CASP1: variants seen among roughly 807,000 people sequenced by gnomAD.
The protein encoded by CASP1 is caspase-1.
A neutral mutation model predicts 41.2 loss-of-function variants in CASP1; 31 were observed. The observed-to-expected ratio is 0.75, with a 90% CI of 0.57 to 1.02. The LOEUF (loss-of-function observed/expected upper bound fraction) is 1.02. Among genes scored for constraint, CASP1 ranks in the 50% least tolerant of loss-of-function variants. The pLI, the probability that CASP1 is intolerant of heterozygous loss-of-function variation, is 0.00. For synonymous variants in CASP1, 163 were observed against 166.5 expected, an observed-to-expected ratio of 0.98 and a Z score of 0.16; for missense variants, 490 against 495.7, an observed-to-expected ratio of 0.99 and a Z score of 0.11.
At chr11:105,029,383 A>C in intron 6 of CASP1, 116 bp from the exon 7 acceptor site, 1 of 798,744 alleles carries the variant, frequency 1.3e-6, no homozygotes, top group Non-Finnish European at 2.0e-6. Context: ...ATTCACATGC[A>C]AATAGACACA....
Position 105,034,015 on chromosome 11 carries a change from G to C in CASP1, c.274+193C>G, listed in dbSNP as rs187866796. 429 of 932,902 alleles carry C rather than the reference G, an allele frequency of 4.6e-4. 1 individual carries two copies. In the African/African-American group the frequency reaches 5.5e-3, roughly 12 times the overall value. 57.8% of individuals were successfully genotyped at this position (932,902 alleles called of 1,614,324 possible). The stretch of plus-strand genomic sequence containing the variant: ...CAGGAAATGAGCTTTAATCAGAAGA[G>C]TGCCACTGAGGATTAAGGAAAAGAA... On this transcript the variant is annotated intron_variant, in intron 2 of 8. Transcript: ENST00000533400.
chr11:105,031,041 G>A, intron 4 of CASP1, 124 bp downstream of exon 4: 1 of 648,848 alleles, frequency 1.5e-6, no homozygotes, highest in Non-Finnish European at 2.9e-6. Flanking sequence ...TATGTAAGGG[G>A]AGCAGAAGTA....
intron 2 of CASP1, among the ~76,000 whole-genome samples, chr11:105,033,341 A>C (rs553323154): frequency 6.6e-6 from 1 of 152,334 alleles, no homozygotes; most frequent in South Asian, 2.1e-4. Flanking sequence ...TTACACATAG[A>C]TGAAAACAGA....
chr11:105,029,235 C>T lies in CASP1; in HGVS notation c.895G>A (p.Val299Ile). The part of the protein sequence containing the change: ...SPGVVWFKDS[V>I]GVSGNLSLPT... The stretch of plus-strand genomic sequence containing the variant: ...AAAGATAGGTTTCCAGAAACTCCTA[C>T]TGAATCTTTAAACCACACCACACCA... Residue 299 changes from valine (V) to isoleucine (I), a missense_variant, in exon 7 of 9, where the codon GTA becomes ATA. Transcript: ENST00000533400. 5 of 1,613,112 alleles carry T rather than the reference C, an allele frequency of 3.1e-6. No individual in the cohort carries two copies. Among genetic ancestry groups the T allele is most frequent in the Non-Finnish European group, 4.2e-6 (5 of 1,179,458 alleles).
intron 4 of CASP1, chr11:105,030,708 A>G (rs764603254): frequency 4.1e-6 from 2 of 491,656 alleles, no homozygotes; most frequent in Non-Finnish European, 7.1e-6. Flanking sequence ...TGAGCTTCTG[A>G]CTTCGTTGTT....
rs1267602765 is a variant in CASP1, at chr11:105,031,420, C to T, written c.338-140G>A. The stretch of plus-strand genomic sequence containing the variant: ...ACAATCCTGATCTACATCATTAACA[C>T]AGCTGAGTGAGTTTGCTCCTAATGG... On this transcript the variant is annotated intron_variant, in intron 3 of 8. Coordinates refer to ENST00000533400, the MANE Select transcript of CASP1 (RefSeq NM_001257118.3). The T allele has an allele frequency of 7.7e-6, 4 of 518,574 alleles. No individual in the cohort carries two copies. In the East Asian group the frequency reaches 1.2e-4, roughly 16 times the overall value. 32.1% of individuals were successfully genotyped at this position (518,574 alleles called of 1,614,324 possible).
chr11:105,033,041 TCTTC>T lies in CASP1; in HGVS notation c.337+19_337+22del, dbSNP rs766367022. The T allele has an allele frequency of 2.1e-6, 3 of 1,461,916 alleles. No homozygotes were observed. In the African/African-American group the frequency reaches 4.2e-5, roughly 20 times the overall value. The allele number at this position is 1,461,916 out of a possible 1,614,324, so 90.6% of individuals were successfully genotyped here. ...AAGGAAGATGTGGGTCAAAGAATGC[TCTTC>T]CTTTAAAAACAGCATTACCTGGAAA... On this transcript the variant is annotated intron_variant, in intron 3 of 8. Transcript: ENST00000533400.
rs753417252 is a variant in CASP1 at position 105,030,478 on chromosome 11, C to T, written c.479G>A (p.Ser160Asn). ...GATAATGAGAGCAAGACGTGTGCGGCTTGACTTGTCCATTATTGGATAAAT... is the reference window on the plus strand; with the variant it reads ...GATAATGAGAGCAAGACGTGTGCGGTTTGACTTGTCCATTATTGGATAAAT... ...AEIYPIMDKS[S>N]RTRLALIICN... Residue 160 changes from serine to asparagine, a missense_variant, in exon 5 of 9, where the codon AGC (serine) becomes AAC (asparagine). By Grantham distance (46) the Ser-to-Asn change is conservative. Coordinates refer to ENST00000533400, the MANE Select transcript of CASP1 (RefSeq NM_001257118.3). The T allele has an allele frequency of 1.7e-5, 28 of 1,612,814 alleles. No individual in the cohort carries two copies. The Admixed American group carries it at 2.7e-4, about 15-fold the overall frequency.
chr11:105,033,859 A>T lies in CASP1; in HGVS notation c.274+349T>A, dbSNP rs780769472. On this transcript the variant is annotated intron_variant, in intron 2 of 8. Transcript: ENST00000533400. ...TTTACAACTACATAAGTGCCTACAG[A>T]CCCCTTGCACTCAGCAAAAATAAAT... The T allele has an allele frequency of 4.9e-6, 3 of 606,716 alleles. No individual in the cohort carries two copies. In the African/African-American group the frequency reaches 5.4e-5, roughly 11 times the overall value. 37.6% of individuals were successfully genotyped at this position (606,716 alleles called of 1,614,324 possible). A position where few individuals can be genotyped will look rare whatever the true frequency, so the allele number is the denominator to read the frequency against.
intron 2 of CASP1, 128 bp downstream of exon 2, chr11:105,034,080 A>G (rs1400892503): frequency 1.3e-5 from 19 of 1,483,896 alleles, no homozygotes; most frequent in Non-Finnish European, 1.8e-5. Flanking sequence ...GGACCCTGCT[A>G]CAGAAATATG....
At chr11:105,035,327 G>A, upstream of CASP1, 3 of 604,718 alleles carry the variant, frequency 5.0e-6, no homozygotes, top group Admixed American at 2.9e-5. Context: ...GATCAGGGTA[G>A]GAGGGGAATG....
At chr11:105,036,168 A>G (rs1248261175), upstream of CASP1, among the ~76,000 whole-genome samples, 1 of 152,184 alleles carries the variant, frequency 6.6e-6, no homozygotes, top group Non-Finnish European at 1.5e-5. Context: ...AATGAGTGAT[A>G]TTATTATAAT....
chr11:105,034,728 T>A, intron 1 of CASP1: 1 of 643,608 alleles, frequency 1.6e-6, no homozygotes, highest in Non-Finnish European at 2.6e-6. Context: ...CATCCTCTTA[T>A]GTCGCATGTT....
At position 105,029,279 on chromosome 11, in the gene CASP1, C is replaced by G. The variant is rs1360628959; in HGVS notation, c.863-12G>C. ...CACACCAGGGCTGTCTGGAAAGACA[C>G]AGTTTGATTTGTTACTACTACCAAT... On this transcript the variant is annotated splice_polypyrimidine_tract_variant and intron_variant, in intron 6 of 8. Transcript: ENST00000533400. 2 of 1,606,788 alleles carry G rather than the reference C, an allele frequency of 1.2e-6. No homozygotes were observed. The highest frequency in any genetic ancestry group is 4.5e-5 in the East Asian group (2 of 44,802).
chr11:105,029,557 T>G, intron 6 of CASP1, 108 bp downstream of exon 6: 1 of 746,018 alleles, frequency 1.3e-6, no homozygotes. Flanking sequence ...TGACAGTATG[T>G]GTTCTTTGAC....
intron 8 of CASP1, 42 bp from the exon 9 acceptor site, chr11:105,026,398 G>T (rs1003758421): frequency 1.2e-5 from 14 of 1,156,144 alleles, no homozygotes; most frequent in Non-Finnish European, 1.5e-5. Context: ...TTTTTGCTGA[G>T]TTTTTTTTTT....
intron 1 of CASP1, 53 bp downstream of exon 1, chr11:105,035,054 T>A (rs1863942195): frequency 6.2e-6 from 10 of 1,611,128 alleles, no homozygotes; most frequent in Middle Eastern, 4.3e-4. Flanking sequence ...AGCCAGCCCC[T>A]TCCAAAACTC....
rs1231102314 is a variant in CASP1, at chr11:105,034,413, A to G, written c.69T>C (p.Asn23=). ...FIRSMGEGTI[N]GLLDELLQTR... ...TCTGTAATAATTCATCCAGTAAGCCATTTATTGTACCTTCACCCATGGAAC... is the reference window on the plus strand; with the variant it reads ...TCTGTAATAATTCATCCAGTAAGCCGTTTATTGTACCTTCACCCATGGAAC... Residue 23 remains asparagine, a synonymous_variant, in exon 2 of 9, where the codon AAT becomes AAC. Coordinates refer to ENST00000533400, the MANE Select transcript of CASP1 (RefSeq NM_001257118.3). 3 of 1,614,154 alleles carry G rather than the reference A, an allele frequency of 1.9e-6. No individual in the cohort carries two copies. The highest frequency in any genetic ancestry group is 1.3e-5 in the African/African-American group (1 of 75,048).
rs772341424 is a variant in CASP1 at position 105,034,449 on chromosome 11, C to T, written c.33G>A (p.Lys11=). The T allele has an allele frequency of 2.2e-5, 36 of 1,613,984 alleles. No homozygotes were observed. Among genetic ancestry groups the T allele is most frequent in the Non-Finnish European group, 2.9e-5 (34 of 1,179,974 alleles). The change falls in exon 2 of 9, where the codon AAG becomes AAA. Residue 11 remains lysine, a synonymous_variant. Transcript: ENST00000533400. ...CTTCACCCATGGAACGGATAAACAG[C>T]TTTCTCTTCTCCTTCAGGACCTTGT... The part of the protein sequence containing the change: MADKVLKEKR[K]LFIRSMGEGT...
Sources: gnomAD v4.1 joint callset for allele counts (sites outside exome capture counted in the v4.1 genomes callset) on GRCh38, gnomAD v4.1.1 for gene constraint, MANE v1.5 for transcripts, NCBI Gene and HGNC (gene_info 2026-07-23, HGNC 2026-07-21) for gene names.